CTNNA2: variants seen among roughly 807,000 people sequenced by gnomAD.
CTNNA2 encodes the protein catenin alpha-2.
Under a neutral mutation model 101.0 loss-of-function variants are expected in CTNNA2, and 42 were observed. The observed-to-expected ratio is 0.42, with a 90% confidence interval of 0.32 to 0.54. The LOEUF (loss-of-function observed/expected upper bound fraction) is 0.54. CTNNA2 is among the 20% of genes least tolerant of loss of function. CTNNA2 has a pLI of 0.14. For synonymous variants in CTNNA2, 450 were observed against 456.4 expected, an observed-to-expected ratio of 0.99 and a Z score of 0.18; for missense variants, 871 against 1,223.1, an observed-to-expected ratio of 0.71 and a Z score of 4.29.
At chr2:79,188,347 C>T (rs900417330) in intron 1 of CTNNA2, among the ~76,000 whole-genome samples, 1 of 152,256 alleles carries the variant, frequency 6.6e-6, no homozygotes, top group East Asian at 1.9e-4. Flanking sequence ...TGCTCTGCTT[C>T]GACCTCCAAT....
chr2:80,525,130 G>A (rs1293528374), intron 9 of CTNNA2, among the ~76,000 whole-genome samples: 2 of 152,006 alleles, frequency 1.3e-5, no homozygotes, highest in Admixed American at 6.6e-5. Flanking sequence ...CAGAAGACAA[G>A]CAATGTCTTC....
chr2:80,537,548 A>G (rs893297931), intron 9 of CTNNA2, among the ~76,000 whole-genome samples: 1 of 152,066 alleles, frequency 6.6e-6, no homozygotes, highest in East Asian at 1.9e-4. Context: ...CAACAGTGTA[A>G]AAGCGTTCCT....
chr2:79,597,451 G>A (rs952860725), intron 1 of CTNNA2, among the ~76,000 whole-genome samples: 3 of 132,986 alleles, frequency 2.3e-5, no homozygotes, highest in Non-Finnish European at 4.8e-5. Context: ...CAGCCTGGGC[G>A]ACAGAGCGGG....
intron 1 of CTNNA2, among the ~76,000 whole-genome samples, chr2:79,190,313 T>G (rs991986815): frequency 3.9e-5 from 6 of 152,074 alleles, no homozygotes; most frequent in African/African-American, 1.4e-4. Context: ...ATAGGCAGAT[T>G]TTGAAGCTTA....
chr2:79,355,130 A>G (rs1443082648), intron 3 of CTNNA2, among the ~76,000 whole-genome samples: 1 of 152,138 alleles, frequency 6.6e-6, no homozygotes, highest in Non-Finnish European at 1.5e-5. Flanking sequence ...TAGGTACCAT[A>G]ACCTTGTAGT....
intron 9 of CTNNA2, among the ~76,000 whole-genome samples, chr2:80,434,592 C>A (rs1024300812): frequency 1.3e-4 from 19 of 145,486 alleles, no homozygotes; most frequent in African/African-American, 4.7e-4. Flanking sequence ...ACCTTCTGGG[C>A]TCAGGTGATC....
chr2:80,166,658 T>C (rs1233856322), intron 7 of CTNNA2, among the ~76,000 whole-genome samples: 1 of 152,118 alleles, frequency 6.6e-6, no homozygotes, highest in African/African-American at 2.4e-5. Flanking sequence ...GAACCCCTGA[T>C]TTATAGCCAG....
intron 8 of CTNNA2, among the ~76,000 whole-genome samples, chr2:80,414,112 T>C (rs550375239): frequency 6.6e-6 from 1 of 152,308 alleles, no homozygotes; most frequent in South Asian, 2.1e-4. Context: ...AGGCTTCAAC[T>C]GCAGGGAAGG....
chr2:79,314,748 C>G (rs1676458752), intron 3 of CTNNA2, among the ~76,000 whole-genome samples: 2 of 152,242 alleles, frequency 1.3e-5, no homozygotes, highest in South Asian at 4.1e-4. Context: ...CTCTGCTATG[C>G]TAGAGTAGGA....
chr2:79,643,084 G>A (rs1453434936), intron 1 of CTNNA2, among the ~76,000 whole-genome samples: 4 of 152,030 alleles, frequency 2.6e-5, no homozygotes, highest in African/African-American at 9.7e-5. Flanking sequence ...CAAGCTACTC[G>A]GGAGGCTGAG....
intron 1 of CTNNA2, among the ~76,000 whole-genome samples, chr2:79,585,915 G>T (rs1421109829): frequency 6.6e-6 from 1 of 152,118 alleles, no homozygotes; most frequent in Non-Finnish European, 1.5e-5. Flanking sequence ...ATTCAGGCTG[G>T]TCACTCTGAG....
intron 6 of CTNNA2, among the ~76,000 whole-genome samples, chr2:79,883,995 A>T (rs1376009474): frequency 6.6e-6 from 1 of 152,194 alleles, no homozygotes; most frequent in Non-Finnish European, 1.5e-5. Flanking sequence ...AACATTTAGT[A>T]CTCAGGACAG....
intron 17 of CTNNA2, chr2:80,612,808 G>A (rs952805119): frequency 6.6e-6 from 1 of 151,340 alleles, no homozygotes; most frequent in Non-Finnish European, 1.5e-5. Flanking sequence ...ATGGATCAAA[G>A]TGTAACAGTA....
At chr2:79,853,091 C>T (rs1217975051) in intron 3 of CTNNA2, among the ~76,000 whole-genome samples, 1 of 151,908 alleles carries the variant, frequency 6.6e-6, no homozygotes, top group Non-Finnish European at 1.5e-5. Flanking sequence ...TAGTCTTGAA[C>T]TCCTGACCTC....
intron 7 of CTNNA2, among the ~76,000 whole-genome samples, chr2:80,375,385 G>A (rs1274450417): frequency 2.0e-5 from 3 of 152,022 alleles, no homozygotes; most frequent in African/African-American, 7.3e-5. Flanking sequence ...TTGTTTACAT[G>A]TAGGTTGTGG....
At chr2:79,398,855 A>G (rs1678258946) in intron 4 of CTNNA2, among the ~76,000 whole-genome samples, 1 of 150,744 alleles carries the variant, frequency 6.6e-6, no homozygotes, top group Admixed American at 6.6e-5. Flanking sequence ...TAGTTAAAAA[A>G]AAAAAAAGAA....
At chr2:79,186,383 C>T (rs1029659788) in intron 1 of CTNNA2, among the ~76,000 whole-genome samples, 1 of 152,198 alleles carries the variant, frequency 6.6e-6, no homozygotes, top group Non-Finnish European at 1.5e-5. Context: ...AGAGTGCCTG[C>T]TTCATAAGAG....
intron 5 of CTNNA2, among the ~76,000 whole-genome samples, chr2:79,872,636 A>G (rs1302223272): frequency 1.3e-5 from 2 of 152,220 alleles, no homozygotes; most frequent in Non-Finnish European, 2.9e-5. Context: ...GGGGAAAAAG[A>G]TGGTTCAGTA....
At chr2:79,686,454 A>C in intron 2 of CTNNA2, among the ~76,000 whole-genome samples, 1 of 152,176 alleles carries the variant, frequency 6.6e-6, no homozygotes, top group East Asian at 1.9e-4. Context: ...CAAACTACTT[A>C]GCTGCAAAAT....
Sources: gnomAD v4.1 joint callset for allele counts (sites outside exome capture counted in the v4.1 genomes callset) on GRCh38, gnomAD v4.1.1 for gene constraint, MANE v1.5 for transcripts, NCBI Gene and HGNC (gene_info 2026-07-23, HGNC 2026-07-21) for gene names.